The following AK5 variants were observed in gnomAD, a reference collection of about 807,000 sequenced individuals.
AK5 encodes the protein adenylate kinase 5, also known as adenylate kinase isoenzyme 5.
In AK5, 27 loss-of-function variants were observed where a neutral mutation model predicts 69.5. The observed-to-expected ratio is 0.39, with a 90% confidence interval of 0.29 to 0.54. The LOEUF (loss-of-function observed/expected upper bound fraction) is 0.54, where lower values mean the gene tolerates loss of function less well. Among genes scored for constraint, AK5 ranks in the 20% least tolerant of loss-of-function variants. The pLI, the probability that AK5 is intolerant of heterozygous loss-of-function variation, is 0.71. For missense variants in AK5, 531 were observed against 700.4 expected, an observed-to-expected ratio of 0.76 and a Z score of 2.73; for synonymous variants, 260 against 244.4, an observed-to-expected ratio of 1.06 and a Z score of -0.60.
chr1:77,409,234 G>A (rs1050958843), intron 6 of AK5, among the ~76,000 whole-genome samples: 4 of 152,162 alleles, frequency 2.6e-5, no homozygotes, highest in Non-Finnish European at 5.9e-5. Context: ...TCACGTGTAT[G>A]TGTCTTTATG....
At chr1:77,343,943 T>G (rs771122407) in intron 6 of AK5, among the ~76,000 whole-genome samples, 1 of 152,246 alleles carries the variant, frequency 6.6e-6, no homozygotes, top group Non-Finnish European at 1.5e-5. Context: ...GTAAAAACTT[T>G]AGACATAATT....
At chr1:77,505,101 T>C (rs951363216) in intron 10 of AK5, among the ~76,000 whole-genome samples, 1 of 152,224 alleles carries the variant, frequency 6.6e-6, no homozygotes, top group African/African-American at 2.4e-5. Context: ...TATGTTCCCA[T>C]CACAATGTGT....
intron 8 of AK5, among the ~76,000 whole-genome samples, chr1:77,463,613 C>T (rs1653970778): frequency 1.3e-5 from 2 of 151,042 alleles, no homozygotes; most frequent in Non-Finnish European, 2.9e-5. Context: ...CTATGGAGTC[C>T]TCTCAAAAAT....
chr1:77,529,042 GTAT>G (rs1377536173), intron 12 of AK5, among the ~76,000 whole-genome samples: 2 of 151,870 alleles, frequency 1.3e-5, no homozygotes, highest in Non-Finnish European at 2.9e-5. Flanking sequence ...TTAATAATGT[GTAT>G]TTTTTCTGAC....
intron 7 of AK5, among the ~76,000 whole-genome samples, chr1:77,415,360 A>G (rs1402334915): frequency 2.0e-5 from 3 of 152,208 alleles, no homozygotes; most frequent in African/African-American, 4.8e-5. Context: ...TACTAAAAGC[A>G]GCTATATGTT....
At chr1:77,362,727 T>G (rs1646886608) in intron 6 of AK5, among the ~76,000 whole-genome samples, 1 of 152,164 alleles carries the variant, frequency 6.6e-6, no homozygotes, top group Non-Finnish European at 1.5e-5. Context: ...ATCAAATCAG[T>G]AGTAAGACTC....
At chr1:77,486,223 G>T in intron 9 of AK5, 85 bp from the exon 10 acceptor site, 1 of 873,276 alleles carries the variant, frequency 1.1e-6, no homozygotes. Flanking sequence ...AAACTACAAG[G>T]TTTGGGTTTT....
intron 1 of AK5, chr1:77,282,665 G>C (rs1438301650): frequency 1.7e-6 from 2 of 1,173,024 alleles, no homozygotes; most frequent in African/African-American, 3.2e-5. Flanking sequence ...TGGACACCCA[G>C]GGTGGGCTGC....
intron 8 of AK5, among the ~76,000 whole-genome samples, chr1:77,450,181 C>T (rs958112440): frequency 1.3e-5 from 2 of 152,208 alleles, no homozygotes; most frequent in Non-Finnish European, 2.9e-5. Context: ...GTTCGTATCA[C>T]TATCAGCATT....
intron 10 of AK5, among the ~76,000 whole-genome samples, chr1:77,496,825 TTCTGTAAAATGGACCAATCAGCAC>T (rs1250523396): frequency 1.3e-5 from 2 of 151,988 alleles, no homozygotes; most frequent in African/African-American, 4.8e-5. Context: ...CCAATCGGCA[TTCTGTAAAATGGACCAATCAGCAC>T]TCTGTAAAAT....
chr1:77,327,262 T>C (rs1660852739), intron 5 of AK5, among the ~76,000 whole-genome samples: 2 of 151,976 alleles, frequency 1.3e-5, no homozygotes, highest in South Asian at 4.2e-4. Flanking sequence ...CATGGTGGCA[T>C]GCACCAGTAG....
chr1:77,367,600 A>ATATATATGTTATCTATGT (rs1333659253), intron 6 of AK5, among the ~76,000 whole-genome samples: 2 of 42,234 alleles, frequency 4.7e-5, no homozygotes, highest in Non-Finnish European at 9.4e-5. Context: ...TATATATGTA[A>ATATATATGTTATCTATGT]TATATATGTA....
At chr1:77,499,746 CT>C (rs1656587180) in intron 10 of AK5, among the ~76,000 whole-genome samples, 1 of 152,066 alleles carries the variant, frequency 6.6e-6, no homozygotes, top group African/African-American at 2.4e-5. Context: ...AGCCATCAGA[CT>C]CCTAGAGAGA....
chr1:77,413,826 C>A (rs1443591245), intron 7 of AK5, among the ~76,000 whole-genome samples: 1 of 152,144 alleles, frequency 6.6e-6, no homozygotes, highest in East Asian at 1.9e-4. Flanking sequence ...TGCCCTCCTC[C>A]CTGCCCCAAC....
intron 12 of AK5, among the ~76,000 whole-genome samples, chr1:77,531,674 A>C (rs1409523956): frequency 6.6e-6 from 1 of 152,176 alleles, no homozygotes; most frequent in Non-Finnish European, 1.5e-5. Context: ...CCAAGTCCCC[A>C]CCAGACTCAG....
rs899263448 is a variant in AK5 at position 77,451,626 on chromosome 1, TG to T, written c.1060-31688del. ...ATCTCAATTTGCACATGTAAGTACT[TG>T]GGTACATAGGAGCTGCTTAATAAAT... On this transcript the variant is annotated intron_variant, in intron 8 of 13. Transcript: ENST00000354567. Among the ~76,000 whole-genome samples the T allele has an allele frequency of 1.2e-4, 18 of 152,234 alleles. 1 individual carries two copies. Among genetic ancestry groups the T allele is most frequent in the Admixed American group, 9.8e-4 (15 of 15,288 alleles).
At chr1:77,541,907 C>G (rs866963087) in intron 13 of AK5, among the ~76,000 whole-genome samples, 4 of 152,208 alleles carry the variant, frequency 2.6e-5, no homozygotes, top group Non-Finnish European at 2.9e-5. Context: ...TAGCTGTGGA[C>G]AGGCAGCTGG....
chr1:77,307,888 C>T (rs952185949), intron 5 of AK5, among the ~76,000 whole-genome samples: 8 of 152,112 alleles, frequency 5.3e-5, no homozygotes, highest in African/African-American at 1.7e-4. Context: ...TAGTGCTCAC[C>T]TGGTTTTCGG....
In AK5 at chr1:77,282,189, G is replaced by A. The variant is rs995022332; in HGVS notation, c.-125G>A. 8.4e-6 allele frequency: 7 copies of A among 828,570 alleles called. No homozygotes were observed. Among genetic ancestry groups the A allele is most frequent in the Non-Finnish European group, 1.3e-5 (7 of 553,398 alleles). 51.3% of individuals were successfully genotyped at this position (828,570 alleles called of 1,614,324 possible). A position where few individuals can be genotyped will look rare whatever the true frequency, so the allele number is the denominator to read the frequency against. On this transcript the variant is annotated 5_prime_UTR_variant, in exon 1 of 14. Transcript: ENST00000354567. ...TGGGCGGAGAGGCTGAGCTGAGTGC[G>A]CGTGAGAAAGAGGGCTGCACCGCTG...
Sources: gnomAD v4.1 joint callset for allele counts (sites outside exome capture counted in the v4.1 genomes callset) on GRCh38, gnomAD v4.1.1 for gene constraint, MANE v1.5 for transcripts, NCBI Gene and HGNC (gene_info 2026-07-23, HGNC 2026-07-21) for gene names.